Variants in ADGRL2 observed in about 807,000 individuals in gnomAD.
ADGRL2 encodes adhesion G protein-coupled receptor L2.
ADGRL2 carries 44 observed loss-of-function variants against 157.4 expected under a neutral mutation model. The ratio of observed to expected loss-of-function variants is 0.28; its 90% CI spans 0.22 to 0.36. ADGRL2 has a LOEUF of 0.36. Among genes scored for constraint, ADGRL2 ranks in the 10% least tolerant of loss-of-function variants. The pLI, the probability that ADGRL2 is intolerant of heterozygous loss-of-function variation, is 1.00. For synonymous variants in ADGRL2, 585 were observed against 624.7 expected (o/e 0.94, Z 0.95); for missense variants, 1,510 against 1,768.9 (o/e 0.85, Z 2.63).
At chr1:81,538,212 A>G (rs1570430501) in intron 2 of ADGRL2, among the ~76,000 whole-genome samples, 1 of 152,152 alleles carries the variant, frequency 6.6e-6, no homozygotes. Context: ...TTATCATGAC[A>G]TAGAAACCCT....
chr1:81,676,911 G>C (rs745599284), intron 3 of ADGRL2, among the ~76,000 whole-genome samples: 1 of 149,146 alleles, frequency 6.7e-6, no homozygotes, highest in African/African-American at 2.5e-5. Flanking sequence ...GGATGTTCTC[G>C]ATCTCCTGAC....
intron 2 of ADGRL2, among the ~76,000 whole-genome samples, chr1:81,550,508 T>C (rs962992490): frequency 2.6e-5 from 4 of 152,278 alleles, no homozygotes; most frequent in Non-Finnish European, 5.9e-5. Flanking sequence ...TGTCAGTTTA[T>C]GTTGGAAAGT....
intron 1 of ADGRL2, among the ~76,000 whole-genome samples, chr1:81,444,126 C>CT (rs1339351050): frequency 6.6e-6 from 1 of 152,148 alleles, no homozygotes; most frequent in Non-Finnish European, 1.5e-5. Flanking sequence ...ATAATAATCC[C>CT]TTTTTACCAA....
At chr1:81,704,949 A>G (rs2083684168) in intron 1 of ADGRL2, among the ~76,000 whole-genome samples, 1 of 152,254 alleles carries the variant, frequency 6.6e-6, no homozygotes, top group Admixed American at 6.5e-5. Context: ...CTTCTGCAGA[A>G]AAAGAAAAAT....
At chr1:81,712,993 GGTGATCC>G (rs2083987226) in intron 1 of ADGRL2, among the ~76,000 whole-genome samples, 1 of 151,930 alleles carries the variant, frequency 6.6e-6, no homozygotes, top group Admixed American at 6.6e-5. Flanking sequence ...CCTGACCTCA[GGTGATCC>G]GCCCATCTTG....
intron 3 of ADGRL2, among the ~76,000 whole-genome samples, chr1:81,927,726 GACAAATGGGAACATTGTTACAGA>G (rs1232185648): frequency 6.6e-6 from 1 of 151,862 alleles, no homozygotes; most frequent in Non-Finnish European, 1.5e-5. Flanking sequence ...ATAGCTATGT[GACAAATGGGAACATTGTTACAGA>G]ACACCTCTTT....
At chr1:81,366,834 T>G (rs553406406) in intron 1 of ADGRL2, among the ~76,000 whole-genome samples, 60 of 152,300 alleles carry the variant, frequency 3.9e-4, no homozygotes, top group Non-Finnish European at 7.1e-4. Flanking sequence ...ATTCTCTTCG[T>G]TTTCCTGCTT....
At chr1:81,870,958 T>C (rs1176696737) in intron 2 of ADGRL2, among the ~76,000 whole-genome samples, 1 of 151,920 alleles carries the variant, frequency 6.6e-6, no homozygotes, top group Non-Finnish European at 1.5e-5. Flanking sequence ...TATTATACTT[T>C]AAGTTCTAGG....
intron 3 of ADGRL2, among the ~76,000 whole-genome samples, chr1:81,671,611 C>T (rs997472798): frequency 1.3e-5 from 2 of 152,014 alleles, no homozygotes; most frequent in Non-Finnish European, 2.9e-5. Context: ...CTCCTGGGTT[C>T]AAGTGATTCT....
Position 81,438,083 on chromosome 1 carries a change from C to T in ADGRL2, c.-301-6953C>T, listed in dbSNP as rs72940916. 4.3e-3 allele frequency among the ~76,000 whole-genome samples: 643 copies of T among 150,988 alleles called. 4 individuals are homozygous for T. Among genetic ancestry groups the T allele is most frequent in the African/African-American group, 0.015 (600 of 41,218 alleles). ...TATCCATTCCTTCTCACCGAATATG[C>T]CCCGTGATCAACACATTGAAATGTG... On this transcript the variant is annotated intron_variant, in intron 1 of 24. Coordinates refer to the ADGRL2 transcript ENST00000370721.
At chr1:81,317,440 T>A (rs945798989) in intron 1 of ADGRL2, among the ~76,000 whole-genome samples, 4 of 152,190 alleles carry the variant, frequency 2.6e-5, no homozygotes, top group African/African-American at 9.7e-5. Context: ...TTCCTTGGTG[T>A]TACCATCCCA....
chr1:81,872,090 T>A (rs1357058279), intron 2 of ADGRL2, among the ~76,000 whole-genome samples: 1 of 152,218 alleles, frequency 6.6e-6, no homozygotes. Flanking sequence ...CTTTAATCCA[T>A]CTTGAATTAA....
At chr1:81,415,458 A>G (rs1286115481) in intron 1 of ADGRL2, among the ~76,000 whole-genome samples, 1 of 152,198 alleles carries the variant, frequency 6.6e-6, no homozygotes, top group Non-Finnish European at 1.5e-5. Context: ...ATGTAGACAC[A>G]CCCAGTTTAA....
intron 1 of ADGRL2, among the ~76,000 whole-genome samples, chr1:81,429,788 G>A (rs754107185): frequency 6.2e-4 from 95 of 152,214 alleles, no homozygotes; most frequent in Non-Finnish European, 8.8e-4. Flanking sequence ...CCATATGCCA[G>A]GCAACGTTTC....
intron 3 of ADGRL2, among the ~76,000 whole-genome samples, chr1:81,644,007 T>C (rs2148814186): frequency 6.6e-6 from 1 of 152,260 alleles, no homozygotes; most frequent in Admixed American, 6.5e-5. Context: ...ATCAAGACAC[T>C]GTGGTATTTG....
intron 3 of ADGRL2, among the ~76,000 whole-genome samples, chr1:81,665,534 C>CA (rs2082734839): frequency 6.6e-6 from 1 of 152,106 alleles, no homozygotes; most frequent in African/African-American, 2.4e-5. Context: ...AATGAATAGT[C>CA]AGAGTTGACA....
chr1:81,561,325 C>G (rs1158169093), intron 2 of ADGRL2, among the ~76,000 whole-genome samples: 3 of 152,106 alleles, frequency 2.0e-5, no homozygotes, highest in Non-Finnish European at 4.4e-5. Flanking sequence ...TGGAACAGTG[C>G]ATGACCTATA....
intron 1 of ADGRL2, among the ~76,000 whole-genome samples, chr1:81,371,593 A>G (rs1480910484): frequency 2.6e-5 from 4 of 152,222 alleles, no homozygotes; most frequent in Non-Finnish European, 5.9e-5. Context: ...CTTCCTTGTA[A>G]ATGAAACTTT....
chr1:81,630,743 C>G (rs1271163326), intron 3 of ADGRL2, among the ~76,000 whole-genome samples: 1 of 152,050 alleles, frequency 6.6e-6, no homozygotes, highest in Non-Finnish European at 1.5e-5. Flanking sequence ...GTAAAATAGG[C>G]TACAAGTTTA....
Sources: gnomAD v4.1 joint callset for allele counts (sites outside exome capture counted in the v4.1 genomes callset) on GRCh38, gnomAD v4.1.1 for gene constraint, MANE v1.5 for transcripts, NCBI Gene and HGNC (gene_info 2026-07-23, HGNC 2026-07-21) for gene names.